The following ITCH variants were observed in gnomAD, a reference collection of about 807,000 sequenced individuals.
ITCH encodes itchy E3 ubiquitin protein ligase.
A neutral mutation model predicts 126.8 loss-of-function variants in ITCH; 28 were observed. The observed-to-expected ratio is 0.22, with a 90% confidence interval of 0.16 to 0.30. The LOEUF (loss-of-function observed/expected upper bound fraction) is 0.30, where lower values mean the gene tolerates loss of function less well. Ranked by LOEUF, ITCH falls within the 10% of genes least tolerant of loss-of-function variation. The pLI, the probability that ITCH is intolerant of heterozygous loss-of-function variation, is 1.00. For synonymous variants in ITCH, 342 were observed against 340.0 expected, an observed-to-expected ratio of 1.01 and a Z score of -0.06; for missense variants, 631 against 1,032.4, an observed-to-expected ratio of 0.61 and a Z score of 5.33.
intron 7 of ITCH, among the ~76,000 whole-genome samples, chr20:34,432,353 A>AAT (rs1982425677): frequency 1.3e-5 from 2 of 152,216 alleles, no homozygotes; most frequent in Admixed American, 6.5e-5. Context: ...AAGCAAAGGA[A>AAT]ATATTTAACC....
chr20:34,424,233 T>C (rs539226850), intron 6 of ITCH, among the ~76,000 whole-genome samples: 1 of 152,326 alleles, frequency 6.6e-6, no homozygotes, highest in East Asian at 1.9e-4. Flanking sequence ...ATGAGTAATA[T>C]ACCTTTAGTA....
In ITCH at chr20:34,488,992, T is replaced by C. The variant is rs1427779388; in HGVS notation, c.2094-274T>C. ...AGGTCGAGACTGCAGTGAGCCAAGA[T>C]TGTGCCACTGTGCTTCAGCTCAGGT... On this transcript the variant is annotated intron_variant, in intron 20 of 24. Transcript: ENST00000374864. Among the ~76,000 whole-genome samples, 3 of 152,136 alleles carry C rather than the reference T, an allele frequency of 2.0e-5. No individual in the cohort carries two copies. In the East Asian group the frequency reaches 5.8e-4, roughly 29 times the overall value.
At chr20:34,419,626 C>G (rs1335028654) in intron 6 of ITCH, among the ~76,000 whole-genome samples, 1 of 151,848 alleles carries the variant, frequency 6.6e-6, no homozygotes, top group African/African-American at 2.4e-5. Flanking sequence ...TTACAGGCGT[C>G]CACGACCACA....
chr20:34,402,285 G>T, intron 3 of ITCH: 1 of 1,217,846 alleles, frequency 8.2e-7, no homozygotes, highest in Non-Finnish European at 1.2e-6. Flanking sequence ...CAGGTCATGG[G>T]CCAGCTTATT....
intron 6 of ITCH, chr20:34,417,072 G>A (rs1258754590): frequency 6.6e-6 from 4 of 608,846 alleles, no homozygotes; most frequent in Non-Finnish European, 1.2e-5. Flanking sequence ...ACCACACCTG[G>A]CTAATTTTAA....
intron 15 of ITCH, 54 bp downstream of exon 15, chr20:34,470,174 T>A: frequency 7.9e-7 from 1 of 1,260,732 alleles, no homozygotes; most frequent in Non-Finnish European, 1.2e-6. Flanking sequence ...TGTTGCTTTA[T>A]ATTACACAGT....
intron 14 of ITCH, among the ~76,000 whole-genome samples, chr20:34,464,322 CTT>C (rs1440765809): frequency 7.8e-6 from 1 of 128,752 alleles, no homozygotes. Flanking sequence ...TTCTTTCTTT[CTT>C]TTTTTTTTTT....
At chr20:34,444,940 G>A (rs1171927694) in intron 10 of ITCH, among the ~76,000 whole-genome samples, 1 of 152,010 alleles carries the variant, frequency 6.6e-6, no homozygotes, top group African/African-American at 2.4e-5. Context: ...CACTGCACCT[G>A]GCCAAAAAGT....
chr20:34,444,789 C>T (rs760223594), intron 10 of ITCH, among the ~76,000 whole-genome samples: 9 of 152,102 alleles, frequency 5.9e-5, no homozygotes, highest in Non-Finnish European at 8.8e-5. Flanking sequence ...TACAGATCTG[C>T]GCCACCACAC....
At chr20:34,496,786 A>G (rs1286605394) in intron 23 of ITCH, among the ~76,000 whole-genome samples, 1 of 148,606 alleles carries the variant, frequency 6.7e-6, no homozygotes, top group Non-Finnish European at 1.5e-5. Context: ...CTGGGCAAGA[A>G]GAGCAACACT....
chr20:34,393,913 T>A lies in ITCH; in HGVS notation c.70+32T>A, dbSNP rs201812496. On this transcript the variant is annotated intron_variant, in intron 3 of 24. Transcript: ENST00000374864. Reference sequence around the variant, plus strand: ...TTTAGAAACATCGGCTGCTTTACTTTATTTTTCCCCGTATGATTAAAAAAT... The same window carrying A: ...TTTAGAAACATCGGCTGCTTTACTTAATTTTTCCCCGTATGATTAAAAAAT... The A allele has an allele frequency of 1.7e-4, 274 of 1,578,154 alleles. 1 individual carries two copies. The highest frequency in any genetic ancestry group is 2.3e-4 in the Non-Finnish European group (260 of 1,147,262).
At chr20:34,454,247 C>G (rs1367435386) in intron 12 of ITCH, among the ~76,000 whole-genome samples, 1 of 151,060 alleles carries the variant, frequency 6.6e-6, no homozygotes, top group East Asian at 2.0e-4. Flanking sequence ...ACGCCATTCT[C>G]CTGCCTCAGC....
chr20:34,477,391 G>A (rs1171770455), intron 16 of ITCH, among the ~76,000 whole-genome samples: 4 of 152,128 alleles, frequency 2.6e-5, no homozygotes, highest in Admixed American at 6.5e-5. Flanking sequence ...TTAGCCGGGC[G>A]TGGTGGCGCA....
At chr20:34,421,551 C>T (rs1257499690) in intron 6 of ITCH, among the ~76,000 whole-genome samples, 2 of 152,162 alleles carry the variant, frequency 1.3e-5, no homozygotes, top group Non-Finnish European at 2.9e-5. Context: ...TTAAGAACAA[C>T]CATTGTTCTC....
At chr20:34,366,488 G>A (rs939648271) in intron 1 of ITCH, among the ~76,000 whole-genome samples, 2 of 152,132 alleles carry the variant, frequency 1.3e-5, no homozygotes, top group Admixed American at 1.3e-4. Flanking sequence ...GCCTCCTAAA[G>A]TGTTGGGATT....
In ITCH at chr20:34,468,073, C is replaced by T. The variant is rs149167606; in HGVS notation, c.1425-1975C>T. On this transcript the variant is annotated intron_variant, in intron 14 of 24. Coordinates refer to ENST00000374864, the MANE Select transcript of ITCH (RefSeq NM_031483.7). ...TTTTTGAGACGGAGTCTCACTTTGTCGCCCAGGCTGGAGTGCAGTGGCACA... is the reference window on the plus strand; with the variant it reads ...TTTTTGAGACGGAGTCTCACTTTGTTGCCCAGGCTGGAGTGCAGTGGCACA... 4.7e-3 allele frequency among the ~76,000 whole-genome samples: 629 copies of T among 135,048 alleles called. 7 individuals carry two copies. Among genetic ancestry groups the T allele is most frequent in the African/African-American group, 0.016 (588 of 35,876 alleles). 88.6% of individuals were successfully genotyped at this position (135,048 alleles called of 152,430 possible).
rs758594631 is a variant in ITCH at position 34,462,082 on chromosome 20, G to A, written c.1296-11G>A. 3.7e-6 allele frequency: 6 copies of A among 1,613,078 alleles called. No homozygotes were observed. The highest frequency in any genetic ancestry group is 5.1e-6 in the Non-Finnish European group (6 of 1,179,356). ...AATATTTTTGTTTATGTTTTTTCCT[G>A]TGTTTCGTAGTCAATTAAATGAAAA... On this transcript the variant is annotated splice_polypyrimidine_tract_variant and intron_variant, in intron 13 of 24. Coordinates refer to ENST00000374864, the MANE Select transcript of ITCH (RefSeq NM_031483.7).
intron 17 of ITCH, among the ~76,000 whole-genome samples, chr20:34,478,910 A>T (rs1391644271): frequency 1.3e-5 from 2 of 152,182 alleles, no homozygotes; most frequent in Non-Finnish European, 2.9e-5. Context: ...GTGTCATGAG[A>T]TACACTTATC....
chr20:34,365,965 G>A (rs1453647476), intron 1 of ITCH, among the ~76,000 whole-genome samples: 2 of 152,178 alleles, frequency 1.3e-5, no homozygotes, highest in Non-Finnish European at 2.9e-5. Flanking sequence ...GCTTTGAGAC[G>A]AAAGAGGAAG....
Sources: gnomAD v4.1 joint callset for allele counts (sites outside exome capture counted in the v4.1 genomes callset) on GRCh38, gnomAD v4.1.1 for gene constraint, MANE v1.5 for transcripts, NCBI Gene and HGNC (gene_info 2026-07-23, HGNC 2026-07-21) for gene names.